Variants in MGAT4C observed in about 807,000 individuals in gnomAD.
MGAT4C encodes the protein MGAT4 family member C, also known as alpha-1,3-mannosyl-glycoprotein 4-beta-N-acetylglucosaminyltransferase C.
MGAT4C carries 19 observed loss-of-function variants against 40.1 expected under a neutral mutation model. The observed-to-expected ratio is 0.47, with a 90% CI of 0.33 to 0.70. MGAT4C has a LOEUF of 0.70. MGAT4C is among the 30% of genes least tolerant of loss of function. MGAT4C has a pLI of 0.02. For missense variants in MGAT4C, 491 were observed against 563.2 expected (o/e 0.87, Z 1.30); for synonymous variants, 181 against 187.1 (o/e 0.97, Z 0.27).
At chr12:86,272,892 C>T (rs567156899) in intron 4 of MGAT4C, among the ~76,000 whole-genome samples, 1 of 152,122 alleles carries the variant, frequency 6.6e-6, no homozygotes, top group East Asian at 1.9e-4. Flanking sequence ...TAAATATTTG[C>T]ATTCATTGTA....
rs574739512 is a variant in MGAT4C at position 86,702,814 on chromosome 12, T to C, written c.-229+24395A>G. ...CGCTCTGCAGCCCATTGATCAAGACTTTCAAGTCTTATTATTTAAGAAATA... is the reference window on the plus strand; with the variant it reads ...CGCTCTGCAGCCCATTGATCAAGACCTTCAAGTCTTATTATTTAAGAAATA... On this transcript the variant is annotated intron_variant, in intron 2 of 7. Transcript: ENST00000548651. Among the ~76,000 whole-genome samples the C allele has an allele frequency of 2.6e-4, 39 of 152,296 alleles. No homozygotes were observed. The South Asian group carries it at 8.1e-3, about 32-fold the overall frequency.
At chr12:86,275,478 C>T (rs79707408) in intron 4 of MGAT4C, among the ~76,000 whole-genome samples, 12,078 of 152,218 alleles carry the variant, frequency 0.079, 683 homozygotes, top group Middle Eastern at 0.21. Context: ...CCGAAGATGT[C>T]CATGTCTTAA....
At chr12:86,218,473 A>G (rs1167244744) in intron 1 of MGAT4C, among the ~76,000 whole-genome samples, 1 of 152,204 alleles carries the variant, frequency 6.6e-6, no homozygotes, top group Non-Finnish European at 1.5e-5. Flanking sequence ...GTATTAAACT[A>G]ATTGAGCTTA....
intron 2 of MGAT4C, among the ~76,000 whole-genome samples, chr12:86,628,941 A>G (rs1025190813): frequency 1.3e-5 from 2 of 152,168 alleles, no homozygotes; most frequent in Non-Finnish European, 2.9e-5. Context: ...ATTAAAAGAC[A>G]CAGACTGGCA....
chr12:86,374,131 G>A (rs1297930145), intron 3 of MGAT4C, among the ~76,000 whole-genome samples: 3 of 151,964 alleles, frequency 2.0e-5, no homozygotes, highest in South Asian at 4.1e-4. Context: ...AAAGTCATGA[G>A]CAAAAACAGA....
At chr12:86,252,463 C>T (rs931740900) in intron 1 of MGAT4C, among the ~76,000 whole-genome samples, 7 of 151,908 alleles carry the variant, frequency 4.6e-5, no homozygotes, top group East Asian at 3.9e-4. Flanking sequence ...ATAGGTTCTA[C>T]GTATGGATTG....
At chr12:86,769,460 T>C (rs192888434) in intron 1 of MGAT4C, among the ~76,000 whole-genome samples, 37 of 152,310 alleles carry the variant, frequency 2.4e-4, no homozygotes, top group Admixed American at 6.5e-4. Flanking sequence ...AGTGTGGCGA[T>C]TCCTCAGGGA....
chr12:86,149,717 C>T (rs953959793), intron 1 of MGAT4C, among the ~76,000 whole-genome samples: 2 of 152,162 alleles, frequency 1.3e-5, no homozygotes, highest in African/African-American at 4.8e-5. Context: ...AATTCTTCAA[C>T]AGGGGTCTCA....
chr12:86,500,838 A>G (rs1294541586), intron 2 of MGAT4C, among the ~76,000 whole-genome samples: 1 of 152,102 alleles, frequency 6.6e-6, no homozygotes, highest in African/African-American at 2.4e-5. Context: ...AAATATTTGC[A>G]AGTTGAATTC....
upstream of MGAT4C, among the ~76,000 whole-genome samples, chr12:86,257,686 A>G (rs1184077584): frequency 1.3e-5 from 2 of 152,254 alleles, no homozygotes; most frequent in Admixed American, 1.3e-4. Context: ...GAGTTCAAAA[A>G]GTTGATAATA....
chr12:86,296,766 G>A (rs995125415), intron 4 of MGAT4C, among the ~76,000 whole-genome samples: 3 of 152,160 alleles, frequency 2.0e-5, no homozygotes, highest in South Asian at 2.1e-4. Flanking sequence ...GTTCCTGCTC[G>A]CGCCTCTCCC....
Position 85,983,648 on chromosome 12 carries a change from C to G in MGAT4C, c.170G>C (p.Arg57Thr). Reference sequence around the variant, plus strand: ...ATTCAGTTGATGTGTGGATGTTTCCCTTATAAGTTGTTTGTCTCCTTCCTA... The same window carrying G: ...ATTCAGTTGATGTGTGGATGTTTCCGTTATAAGTTGTTTGTCTCCTTCCTA... ...YVLEGDKQLI[R>T]ETSTHQLNSE... Residue 57 changes from arginine to threonine, a missense_variant, in exon 4 of 5, where the codon AGG becomes ACG. Physicochemically the swap from Arg to Thr is moderately conservative, Grantham distance 71. Transcript: ENST00000611864. The G allele has an allele frequency of 2.5e-6, 4 of 1,582,394 alleles. No homozygotes were observed. Among genetic ancestry groups the G allele is most frequent in the Non-Finnish European group, 3.4e-6 (4 of 1,166,914 alleles).
intron 2 of MGAT4C, among the ~76,000 whole-genome samples, chr12:86,622,344 A>G (rs921186680): frequency 6.6e-6 from 1 of 152,172 alleles, no homozygotes; most frequent in Admixed American, 6.6e-5. Flanking sequence ...ATTCAAGCAG[A>G]GGATTTCCTC....
chr12:86,109,679 A>C lies in MGAT4C; in HGVS notation c.-56-59956T>G, dbSNP rs569263346. ...GGTAGAAAAAAGGAGAATGCAAGTT[A>C]TATTGATTCATTATTTTGACAAATA... On this transcript the variant is annotated intron_variant, in intron 1 of 4. Coordinates refer to ENST00000611864, the MANE Select transcript of MGAT4C (RefSeq NM_001351288.2). 6.9e-4 allele frequency among the ~76,000 whole-genome samples: 105 copies of C among 152,162 alleles called. 3 individuals carry two copies. The South Asian group carries it at 0.021, about 31-fold the overall frequency.
At chr12:86,087,203 G>C (rs1872028786) in intron 1 of MGAT4C, among the ~76,000 whole-genome samples, 1 of 151,924 alleles carries the variant, frequency 6.6e-6, no homozygotes. Flanking sequence ...TGGGATTCCT[G>C]GGTAGTTCTA....
intron 3 of MGAT4C, among the ~76,000 whole-genome samples, chr12:86,362,297 T>C (rs1955493814): frequency 1.3e-5 from 2 of 151,876 alleles, no homozygotes; most frequent in Non-Finnish European, 2.9e-5. Context: ...TGAGAACACT[T>C]GGACACAGGG....
chr12:86,324,241 G>T (rs1339115866), intron 4 of MGAT4C, among the ~76,000 whole-genome samples: 2 of 151,792 alleles, frequency 1.3e-5, no homozygotes, highest in Non-Finnish European at 1.5e-5. Context: ...ATTCTCATGG[G>T]TGGTAAAAGA....
At chr12:86,124,315 G>A (rs1281853945) in intron 1 of MGAT4C, among the ~76,000 whole-genome samples, 1 of 152,144 alleles carries the variant, frequency 6.6e-6, no homozygotes, top group African/African-American at 2.4e-5. Context: ...TTACTAGTAG[G>A]ATAGATTACT....
intron 2 of MGAT4C, chr12:86,016,363 C>G (rs1451704271): frequency 2.6e-5 from 4 of 152,218 alleles, no homozygotes; most frequent in Non-Finnish European, 5.9e-5. Context: ...CTTGCCAGGA[C>G]TTGGACTTGT....
Sources: allele counts gnomAD v4.1 joint callset (sites outside exome capture counted in the v4.1 genomes callset), GRCh38; gene constraint gnomAD v4.1.1; transcripts MANE v1.5; gene names NCBI Gene and HGNC (gene_info 2026-07-23, HGNC 2026-07-21).